EXOC2: variants seen among roughly 807,000 people sequenced by gnomAD.
EXOC2 encodes SEC5-like 1.
In EXOC2, 70 loss-of-function variants were observed where a neutral mutation model predicts 131.8. That is an observed-to-expected ratio of 0.53 (90% CI 0.44 to 0.65). The LOEUF (loss-of-function observed/expected upper bound fraction) is 0.65. EXOC2 is among the 30% of genes least tolerant of loss of function. The probability of loss-of-function intolerance (pLI) is 0.00; values close to 1 mark genes in which losing one functional copy is unlikely to be tolerated. For missense variants in EXOC2, 923 were observed against 1,108.6 expected, an observed-to-expected ratio of 0.83 and a Z score of 2.38; for synonymous variants, 411 against 398.4, an observed-to-expected ratio of 1.03 and a Z score of -0.38.
chr6:576,075 C>T (rs1758561928), intron 12 of EXOC2, among the ~76,000 whole-genome samples: 1 of 152,094 alleles, frequency 6.6e-6, no homozygotes, highest in South Asian at 2.1e-4. Flanking sequence ...TAATATAAGA[C>T]ATTTTAAAAC....
chr6:542,722 G>T (rs1347009824), intron 22 of EXOC2, among the ~76,000 whole-genome samples: 2 of 152,218 alleles, frequency 1.3e-5, no homozygotes, highest in Non-Finnish European at 2.9e-5. Context: ...GAGCACCGTA[G>T]TAAGCTGGCA....
At chr6:511,153 C>T (rs1317457840) in intron 23 of EXOC2, among the ~76,000 whole-genome samples, 2 of 152,196 alleles carry the variant, frequency 1.3e-5, no homozygotes, top group Non-Finnish European at 2.9e-5. Context: ...GGGAAGGGTT[C>T]CTGCCATGGC....
At chr6:546,415 C>T (rs1454287424) in intron 22 of EXOC2, among the ~76,000 whole-genome samples, 2 of 152,286 alleles carry the variant, frequency 1.3e-5, no homozygotes, top group South Asian at 2.1e-4. Flanking sequence ...CATGAATTAT[C>T]ATTCAATGTG....
chr6:655,473 T>C (rs1309968414), intron 1 of EXOC2, among the ~76,000 whole-genome samples: 1 of 152,246 alleles, frequency 6.6e-6, no homozygotes, highest in Non-Finnish European at 1.5e-5. Context: ...GGAACCAAAC[T>C]TGGAGTATCT....
intron 1 of EXOC2, among the ~76,000 whole-genome samples, chr6:652,617 C>G (rs1242035074): frequency 6.6e-6 from 1 of 151,958 alleles, no homozygotes; most frequent in Non-Finnish European, 1.5e-5. Flanking sequence ...CTATACCATC[C>G]TTTTATAACC....
intron 1 of EXOC2, among the ~76,000 whole-genome samples, chr6:683,939 G>C (rs1176001726): frequency 1.3e-5 from 2 of 152,264 alleles, no homozygotes; most frequent in African/African-American, 4.8e-5. Context: ...CACCGCAGCT[G>C]CGAAGGATTG....
At chr6:567,092 C>T (rs1247036904) in intron 13 of EXOC2, among the ~76,000 whole-genome samples, 4 of 152,242 alleles carry the variant, frequency 2.6e-5, no homozygotes, top group Non-Finnish European at 4.4e-5. Context: ...GTTTCCCCCA[C>T]ATTTGTCCCC....
At chr6:637,074 A>G (rs1464120247) in intron 2 of EXOC2, among the ~76,000 whole-genome samples, 3 of 152,230 alleles carry the variant, frequency 2.0e-5, no homozygotes, top group African/African-American at 7.2e-5. Flanking sequence ...GCCAACATCC[A>G]GAAATATTTA....
chr6:498,494 C>T (rs1016610649), intron 24 of EXOC2, among the ~76,000 whole-genome samples: 1 of 152,092 alleles, frequency 6.6e-6, no homozygotes, highest in African/African-American at 2.4e-5. Context: ...AATATTGCTC[C>T]TTATAAAAAG....
chr6:681,512 C>T (rs1764402901), intron 1 of EXOC2, among the ~76,000 whole-genome samples: 2 of 152,078 alleles, frequency 1.3e-5, no homozygotes, highest in South Asian at 4.1e-4. Flanking sequence ...TGAGTTTTGC[C>T]CCTAATAAAT....
chr6:668,158 C>T (rs953769341), intron 1 of EXOC2, among the ~76,000 whole-genome samples: 5 of 149,334 alleles, frequency 3.3e-5, no homozygotes, highest in Non-Finnish European at 6.0e-5. Context: ...TGTCTTGCTC[C>T]GTGTTCTCTG....
intron 1 of EXOC2, among the ~76,000 whole-genome samples, chr6:648,527 CTT>C (rs1762682595): frequency 6.6e-6 from 1 of 152,104 alleles, no homozygotes; most frequent in Non-Finnish European, 1.5e-5. Context: ...GTCATAAGCT[CTT>C]TCTTATATAA....
intron 26 of EXOC2, 65 bp downstream of exon 26, chr6:491,058 CAG>C: frequency 6.6e-7 from 1 of 1,509,202 alleles, no homozygotes. Flanking sequence ...TTACAGAGGA[CAG>C]AATTGACTAG....
At chr6:655,924 C>A in intron 1 of EXOC2, 2 of 514,962 alleles carry the variant, frequency 3.9e-6, no homozygotes, top group East Asian at 3.1e-5. Flanking sequence ...ATAAACAAAA[C>A]ATGAACTACC....
chr6:681,211 C>T (rs1764388676), intron 1 of EXOC2, among the ~76,000 whole-genome samples: 1 of 152,206 alleles, frequency 6.6e-6, no homozygotes, highest in Non-Finnish European at 1.5e-5. Context: ...GACAGCTCCT[C>T]CTGATCTTCA....
intron 1 of EXOC2, chr6:657,365 T>C (rs1253809305): frequency 6.4e-6 from 1 of 155,882 alleles, no homozygotes; most frequent in African/African-American, 2.4e-5. Context: ...TAGTTCCACG[T>C]GTCTTATGAA....
chr6:576,286 A>G (rs1473629381), intron 12 of EXOC2, among the ~76,000 whole-genome samples: 1 of 152,220 alleles, frequency 6.6e-6, no homozygotes, highest in East Asian at 1.9e-4. Context: ...GAAATGCAAC[A>G]TACTTAAAAT....
intron 15 of EXOC2, 44 bp downstream of exon 15, chr6:564,501 A>G: frequency 6.2e-7 from 1 of 1,606,274 alleles, no homozygotes; most frequent in Non-Finnish European, 8.5e-7. Flanking sequence ...AAAAGTTAAA[A>G]AAAACAGAAG....
At chr6:606,468 T>C (rs960030409) in intron 7 of EXOC2, among the ~76,000 whole-genome samples, 2 of 151,696 alleles carry the variant, frequency 1.3e-5, no homozygotes, top group African/African-American at 4.8e-5. Flanking sequence ...AAATAAAACA[T>C]CAGAAACATT....
Sources: gnomAD v4.1 joint callset for allele counts (sites outside exome capture counted in the v4.1 genomes callset) on GRCh38, gnomAD v4.1.1 for gene constraint, MANE v1.5 for transcripts, NCBI Gene and HGNC (gene_info 2026-07-23, HGNC 2026-07-21) for gene names.